The following PHGDH variants were observed in gnomAD, a reference collection of about 807,000 sequenced individuals.
PHGDH encodes phosphoglycerate dehydrogenase.
PHGDH carries 50 observed loss-of-function variants against 52.6 expected under a neutral mutation model. That is an observed-to-expected ratio of 0.95 (90% confidence interval 0.76 to 1.20). The LOEUF is 1.20. PHGDH is among the 50% of genes most tolerant of loss of function. PHGDH has a pLI of 0.00. For missense variants in PHGDH, 630 were observed against 684.6 expected, an observed-to-expected ratio of 0.92 and a Z score of 0.89; for synonymous variants, 271 against 280.5, an observed-to-expected ratio of 0.97 and a Z score of 0.34.
Position 119,720,960 on chromosome 1 carries a change from G to A in PHGDH, c.139-210G>A, listed in dbSNP as rs1473691285. The A allele has an allele frequency of 1.2e-5, 7 of 602,026 alleles. No individual in the cohort carries two copies. In the Admixed American group the frequency reaches 1.7e-4, roughly 14 times the overall value. 37.3% of individuals were successfully genotyped at this position (602,026 alleles called of 1,614,324 possible). On this transcript the variant is annotated intron_variant, in intron 1 of 11. Transcript: ENST00000641023. ...AAGCGGTTGGTGTGTTAGAGGCACAGTCTCCTCCACTCTAAGTAAAAATCA... is the reference window on the plus strand; with the variant it reads ...AAGCGGTTGGTGTGTTAGAGGCACAATCTCCTCCACTCTAAGTAAAAATCA...
chr1:119,721,305 G>A lies in PHGDH; in HGVS notation c.274G>A (p.Gly92Ser). The change falls in exon 2 of 12, where the codon GGC becomes AGC. Residue 92 changes from glycine to serine, a missense_variant. Gly to Ser is a moderately conservative substitution (Grantham distance 56). Coordinates refer to ENST00000641023, the MANE Select transcript of PHGDH (RefSeq NM_006623.4). Reference protein sequence around the residue: ...NVDLEAATRKGILVMNTPNGN... With the variant: ...NVDLEAATRKSILVMNTPNGN... The stretch of plus-strand genomic sequence containing the variant: ...GGATCTGGAGGCCGCAACAAGGAAG[G>A]GCATCTTGGTTATGAAGTAAGTCAT... 1 of 1,614,020 alleles carries A rather than the reference G, an allele frequency of 6.2e-7. No individual in the cohort carries two copies. The highest frequency in any genetic ancestry group is 1.3e-5 in the African/African-American group (1 of 75,004).
intron 9 of PHGDH, among the ~76,000 whole-genome samples, chr1:119,741,471 G>A (rs1358475308): frequency 6.6e-6 from 1 of 152,200 alleles, no homozygotes; most frequent in African/African-American, 2.4e-5. Flanking sequence ...GAGAATAATA[G>A]GTAGGCCAGG....
chr1:119,736,417 A>G (rs983655006), intron 7 of PHGDH, among the ~76,000 whole-genome samples: 4 of 152,226 alleles, frequency 2.6e-5, no homozygotes, highest in African/African-American at 7.2e-5. Flanking sequence ...ACATGTGGCC[A>G]GGACTCACAG....
At chr1:119,737,320 G>A (rs1407389396) in intron 8 of PHGDH, 54 bp downstream of exon 8, 3 of 1,519,342 alleles carry the variant, frequency 2.0e-6, no homozygotes, top group East Asian at 2.3e-5. Flanking sequence ...GGAGAGGAAG[G>A]AAGGCATCTT....
intron 8 of PHGDH, chr1:119,739,916 T>A (rs1652113379): frequency 5.8e-6 from 1 of 171,552 alleles, no homozygotes; most frequent in African/African-American, 2.4e-5. Context: ...TGATAATTGA[T>A]CGTAGTGTTT....
intron 5 of PHGDH, among the ~76,000 whole-genome samples, chr1:119,732,183 C>G (rs776301066): frequency 1.1e-4 from 17 of 152,334 alleles, no homozygotes; most frequent in Non-Finnish European, 2.4e-4. Context: ...CCTCCTTGCT[C>G]TCCTCTTTGC....
At chr1:119,721,989 G>C (rs587620366) in intron 2 of PHGDH, among the ~76,000 whole-genome samples, 47 of 152,346 alleles carry the variant, frequency 3.1e-4, no homozygotes, top group African/African-American at 1.0e-3. Flanking sequence ...CCATCCCCAG[G>C]CCTCTTTGTT....
chr1:119,714,684 C>T (rs1330147804), intron 1 of PHGDH, among the ~76,000 whole-genome samples: 1 of 152,206 alleles, frequency 6.6e-6, no homozygotes, highest in East Asian at 1.9e-4. Flanking sequence ...GACTGGGCAA[C>T]ATGGCAAAAC....
chr1:119,716,238 G>C (rs1277958780), intron 1 of PHGDH, among the ~76,000 whole-genome samples: 1 of 152,170 alleles, frequency 6.6e-6, no homozygotes, highest in African/African-American at 2.4e-5. Flanking sequence ...CCTTGGGAGA[G>C]GTGAGACCTG....
intron 7 of PHGDH, among the ~76,000 whole-genome samples, chr1:119,736,010 G>A (rs748179967): frequency 3.3e-5 from 5 of 152,178 alleles, no homozygotes; most frequent in East Asian, 3.8e-4. Flanking sequence ...ATTTGCACTC[G>A]AATCCTTTTG....
At chr1:119,712,566 G>A (rs1411273335) in intron 1 of PHGDH, 2 of 273,414 alleles carry the variant, frequency 7.3e-6, no homozygotes, top group Admixed American at 4.9e-5. Flanking sequence ...CGGGGCGATC[G>A]GGAGAGGGGC....
chr1:119,727,279 A>G, intron 5 of PHGDH, 177 bp downstream of exon 5: 1 of 641,360 alleles, frequency 1.6e-6, no homozygotes, highest in Non-Finnish European at 2.8e-6. Flanking sequence ...GCTGATCTGG[A>G]CTCAAAAGCT....
At position 119,723,406 on chromosome 1, in the gene PHGDH, A is replaced by C. The variant is rs1651263620; in HGVS notation, c.321A>C (p.Ala107=). 1.2e-6 allele frequency: 2 copies of C among 1,614,010 alleles called. No homozygotes were observed. Among genetic ancestry groups the C allele is most frequent in the East Asian group, 2.2e-5 (1 of 44,828 alleles). ...CCAATGGGAACAGCCTCAGTGCCGC[A>C]GAACTCACTTGTGGAATGATCATGT... ...NTPNGNSLSA[A]ELTCGMIMCL... is the part of the protein sequence containing the mutation. The change falls in exon 3 of 12, where the codon GCA becomes GCC. Residue 107 remains alanine, a synonymous_variant. Coordinates refer to ENST00000641023, the MANE Select transcript of PHGDH (RefSeq NM_006623.4).
intron 6 of PHGDH, chr1:119,735,077 TA>T: frequency 1.5e-6 from 1 of 676,802 alleles, no homozygotes; most frequent in Non-Finnish European, 2.6e-6. Context: ...CAAGAATTTC[TA>T]AGATGTTTCT....
chr1:119,721,347 T>G lies in PHGDH; in HGVS notation c.290+26T>G, dbSNP rs762542427. The G allele has an allele frequency of 2.7e-5, 44 of 1,609,646 alleles. No homozygotes were observed. In the East Asian group the frequency reaches 9.8e-4, roughly 36 times the overall value. On this transcript the variant is annotated intron_variant, in intron 2 of 11. Coordinates refer to ENST00000641023, the MANE Select transcript of PHGDH (RefSeq NM_006623.4). ...GTAAGTCATGGAGGCTGCGGGCGGT[T>G]TGGGGGTAGGGGGGTGAGTGCGGAG...
intron 1 of PHGDH, among the ~76,000 whole-genome samples, chr1:119,717,862 G>A (rs981530232): frequency 6.6e-6 from 1 of 152,126 alleles, no homozygotes; most frequent in Non-Finnish European, 1.5e-5. Flanking sequence ...CAATTTTCAG[G>A]CATGTGAAGT....
At chr1:119,719,286 A>G (rs368524446) in intron 1 of PHGDH, among the ~76,000 whole-genome samples, 135 of 152,318 alleles carry the variant, frequency 8.9e-4, no homozygotes, top group African/African-American at 3.0e-3. Context: ...AGATACGTAC[A>G]TAGCGGGCAT....
intron 1 of PHGDH, among the ~76,000 whole-genome samples, chr1:119,713,997 C>T (rs1570983048): frequency 6.6e-6 from 1 of 152,100 alleles, no homozygotes; most frequent in Admixed American, 6.5e-5. Context: ...ATTTTAAAGG[C>T]GCTGAAAACT....
chr1:119,734,921 A>ATCCAACGTAGGGGTGT, intron 6 of PHGDH, 155 bp downstream of exon 6: 2 of 836,772 alleles, frequency 2.4e-6, no homozygotes, highest in South Asian at 1.4e-5. Context: ...AGACACCCCT[A>ATCCAACGTAGGGGTGT]CGTTGGATAG....
Sources: gnomAD v4.1 joint callset for allele counts (sites outside exome capture counted in the v4.1 genomes callset) on GRCh38, gnomAD v4.1.1 for gene constraint, MANE v1.5 for transcripts, NCBI Gene and HGNC (gene_info 2026-07-23, HGNC 2026-07-21) for gene names.